The following SOBP variants were observed in gnomAD, a reference collection of about 807,000 sequenced individuals.
The protein encoded by SOBP is sine oculis binding protein homolog.
Under a neutral mutation model 53.6 loss-of-function variants are expected in SOBP, and 4 were observed. The observed-to-expected ratio is 0.07, with a 90% CI of 0.04 to 0.17. SOBP has a LOEUF of 0.17. Ranked by LOEUF, SOBP falls within the 10% of genes least tolerant of loss-of-function variation. The pLI, the probability that SOBP is intolerant of heterozygous loss-of-function variation, is 1.00. For synonymous variants in SOBP, 584 were observed against 522.6 expected (o/e 1.12, Z -1.60); for missense variants, 1,088 against 1,204.7 (o/e 0.90, Z 1.43).
At chr6:107,570,843 C>T (rs1273727411) in intron 4 of SOBP, among the ~76,000 whole-genome samples, 1 of 152,264 alleles carries the variant, frequency 6.6e-6, no homozygotes, top group African/African-American at 2.4e-5. Flanking sequence ...TCTTCCTTGA[C>T]TTTATTTGAA....
chr6:107,649,152 G>A (rs1292976940), intron 6 of SOBP, among the ~76,000 whole-genome samples: 9 of 69,050 alleles, frequency 1.3e-4, no homozygotes, highest in African/African-American at 5.4e-4. Flanking sequence ...ACCTTGCCCC[G>A]CCCCCACTAC....
At chr6:107,580,431 T>A (rs1785366417) in intron 4 of SOBP, among the ~76,000 whole-genome samples, 1 of 152,224 alleles carries the variant, frequency 6.6e-6, no homozygotes, top group South Asian at 2.1e-4. Context: ...TGAGAGCTAA[T>A]GAATCCATTC....
chr6:107,541,047 A>G (rs534819061), intron 4 of SOBP, among the ~76,000 whole-genome samples: 18 of 152,364 alleles, frequency 1.2e-4, no homozygotes, highest in African/African-American at 4.3e-4. Context: ...TAAATAGCGG[A>G]ATAAAATCCA....
At position 107,578,093 on chromosome 6, in the gene SOBP, AAAG is replaced by A. The variant is rs1475114619; in HGVS notation, c.574-8980_574-8978del. 2.7e-3 allele frequency among the ~76,000 whole-genome samples: 359 copies of A among 132,810 alleles called. 6 individuals carry two copies. The highest frequency in any genetic ancestry group is 0.013 in the Middle Eastern group (3 of 232). 87.1% of individuals were successfully genotyped at this position (132,810 alleles called of 152,430 possible). ...TGTCTCAAAAAAAAAAAAAAAAAAA[AAAG>A]AAGAAGTTCGTTTAAGTGTTGAAGA... On this transcript the variant is annotated intron_variant, in intron 4 of 6. Coordinates refer to ENST00000317357, the MANE Select transcript of SOBP (RefSeq NM_018013.4).
chr6:107,621,698 G>A (rs1018052798), intron 5 of SOBP, among the ~76,000 whole-genome samples: 3 of 152,216 alleles, frequency 2.0e-5, no homozygotes, highest in Non-Finnish European at 2.9e-5. Flanking sequence ...GTGTGACAGA[G>A]CATAAGGGAT....
chr6:107,618,715 C>G (rs1025278016), intron 5 of SOBP, among the ~76,000 whole-genome samples: 1 of 152,104 alleles, frequency 6.6e-6, no homozygotes, highest in Non-Finnish European at 1.5e-5. Flanking sequence ...AGTTGTGGCC[C>G]CTTTCTCATG....
chr6:107,542,269 CT>C (rs1363657911), intron 4 of SOBP, among the ~76,000 whole-genome samples: 2 of 151,946 alleles, frequency 1.3e-5, no homozygotes, highest in Admixed American at 1.3e-4. Flanking sequence ...AGTGACGGAG[CT>C]AGTTGTGTGT....
chr6:107,590,538 G>A (rs780756222), intron 5 of SOBP, among the ~76,000 whole-genome samples: 1 of 152,202 alleles, frequency 6.6e-6, no homozygotes, highest in Non-Finnish European at 1.5e-5. Flanking sequence ...CCAGATTCCT[G>A]AGCCATCACC....
At chr6:107,611,518 G>C (rs1019748895) in intron 5 of SOBP, among the ~76,000 whole-genome samples, 2 of 152,154 alleles carry the variant, frequency 1.3e-5, no homozygotes, top group Non-Finnish European at 2.9e-5. Flanking sequence ...AAATTGAAAA[G>C]AACCAACACT....
chr6:107,551,038 G>A (rs1384342455), intron 4 of SOBP, among the ~76,000 whole-genome samples: 1 of 152,198 alleles, frequency 6.6e-6, no homozygotes, highest in Non-Finnish European at 1.5e-5. Context: ...CACGTGAAGA[G>A]TTTAATATGT....
chr6:107,661,157 G>A lies in SOBP; in HGVS notation c.*2954G>A, dbSNP rs972965790. 2.6e-5 allele frequency among the ~76,000 whole-genome samples: 4 copies of A among 152,136 alleles called. No homozygotes were observed. Among genetic ancestry groups the A allele is most frequent in the African/African-American group, 9.7e-5 (4 of 41,430 alleles). Reference sequence around the variant, plus strand: ...ATTTTGACCCTTCTGGAAACAAAAGGTACCTTTGTTCCAGCATAGAAAGAT... The same window carrying A: ...ATTTTGACCCTTCTGGAAACAAAAGATACCTTTGTTCCAGCATAGAAAGAT... On this transcript the variant is annotated 3_prime_UTR_variant, in exon 7 of 7. Coordinates refer to ENST00000317357, the MANE Select transcript of SOBP (RefSeq NM_018013.4).
chr6:107,623,977 G>A lies in SOBP; in HGVS notation c.670-9537G>A, dbSNP rs189617778. Among the ~76,000 whole-genome samples, 351 of 152,152 alleles carry A rather than the reference G, an allele frequency of 2.3e-3. 6 individuals carry two copies. Among genetic ancestry groups the A allele is most frequent in the Non-Finnish European group, 9.9e-4 (67 of 68,018 alleles). Reference sequence around the variant, plus strand: ...TTTAAGTAAAATGGGAAAAATAGTAGCTCCTTTACAAGTTTGTTGCCAGAA... The same window carrying A: ...TTTAAGTAAAATGGGAAAAATAGTAACTCCTTTACAAGTTTGTTGCCAGAA... On this transcript the variant is annotated intron_variant, in intron 5 of 6. Transcript: ENST00000317357.
chr6:107,548,037 A>G (rs1583198411), intron 4 of SOBP, among the ~76,000 whole-genome samples: 1 of 152,140 alleles, frequency 6.6e-6, no homozygotes, highest in East Asian at 1.9e-4. Flanking sequence ...TTTTACTTCT[A>G]GTTAAAGTGG....
chr6:107,628,958 C>A (rs1366264733), intron 5 of SOBP, among the ~76,000 whole-genome samples: 11 of 152,212 alleles, frequency 7.2e-5, no homozygotes, highest in Non-Finnish European at 1.6e-4. Flanking sequence ...CTGAGCACCC[C>A]TGCCCACATC....
rs527831300 is a variant in SOBP, at chr6:107,566,694, C to G, written c.574-20386C>G. On this transcript the variant is annotated intron_variant, in intron 4 of 6. Coordinates refer to ENST00000317357, the MANE Select transcript of SOBP (RefSeq NM_018013.4). The stretch of plus-strand genomic sequence containing the variant: ...ATCACTTCAACATGTACAAATCCAT[C>G]ATGGCCTCTGCAGTGCCTCTCAACA... 5.3e-5 allele frequency among the ~76,000 whole-genome samples: 8 copies of G among 152,356 alleles called. No homozygotes were observed. The East Asian group carries it at 1.5e-3, about 29-fold the overall frequency.
intron 3 of SOBP, chr6:107,514,339 G>T (rs1376725525): frequency 6.6e-6 from 1 of 152,128 alleles, no homozygotes; most frequent in Non-Finnish European, 1.5e-5. Flanking sequence ...AGATAATCAA[G>T]AACTGTTATA....
At chr6:107,645,627 G>A (rs931391854) in intron 6 of SOBP, among the ~76,000 whole-genome samples, 1 of 152,196 alleles carries the variant, frequency 6.6e-6, no homozygotes, top group Non-Finnish European at 1.5e-5. Flanking sequence ...GCAGGGACCG[G>A]GTCCAGTTCA....
intron 6 of SOBP, among the ~76,000 whole-genome samples, chr6:107,655,708 A>T (rs1318055421): frequency 6.6e-6 from 1 of 152,170 alleles, no homozygotes; most frequent in Admixed American, 6.5e-5. Context: ...GGGATGGCAA[A>T]TGCTGTAGTT....
At position 107,634,947 on chromosome 6, in the gene SOBP, C is replaced by T. The variant is rs1269823310; in HGVS notation, c.2103C>T (p.Pro701=). Residue 701 remains proline (P), a synonymous_variant, in exon 6 of 7, where the codon CCC becomes CCT. Coordinates refer to ENST00000317357, the MANE Select transcript of SOBP (RefSeq NM_018013.4). This position sits in a 1 kb window ranked among gnomAD's most constrained non-coding sequence, Gnocchi z 4.5. ...GCAGGGACGGCCACTGCAGCCCGCC[C>T]GCCGCCGGCGACCCAGGCCCGGGCG... ...GGCRDGHCSP[P]AAGDPGPGAP... 135 of 1,058,264 alleles carry T rather than the reference C, an allele frequency of 1.3e-4. No homozygotes were observed. The highest frequency in any genetic ancestry group is 1.5e-4 in the Non-Finnish European group (131 of 879,564). 65.6% of individuals were successfully genotyped at this position (1,058,264 alleles called of 1,614,324 possible). A position where few individuals can be genotyped will look rare whatever the true frequency, so the allele number is the denominator to read the frequency against.
Sources: allele counts gnomAD v4.1 joint callset (sites outside exome capture counted in the v4.1 genomes callset), GRCh38; gene constraint gnomAD v4.1.1; non-coding constraint Gnocchi (gnomAD v3.1); transcripts MANE v1.5; gene names NCBI Gene and HGNC (gene_info 2026-07-23, HGNC 2026-07-21).